Variants in MTOR observed in about 807,000 individuals in gnomAD.
MTOR encodes mechanistic target of rapamycin kinase, also known as serine/threonine-protein kinase mTOR.
In MTOR, 70 loss-of-function variants were observed where a neutral mutation model predicts 319.8. That is an observed-to-expected ratio of 0.22 (90% CI 0.18 to 0.27). The LOEUF is 0.27. Among genes scored for constraint, MTOR ranks in the 10% least tolerant of loss-of-function variants. The pLI is 1.00. For synonymous variants in MTOR, 1,183 were observed against 1,211.4 expected (o/e 0.98, Z 0.49); for missense variants, 1,890 against 3,274.4 (o/e 0.58, Z 10.32).
rs1265153789 is a variant in MTOR at position 11,133,799 on chromosome 1, C to T, written c.5246+552G>A. Among the ~76,000 whole-genome samples the T allele has an allele frequency of 6.6e-6, 1 of 152,178 alleles. No individual in the cohort carries two copies. Among genetic ancestry groups the T allele is most frequent in the Non-Finnish European group, 1.5e-5 (1 of 68,036 alleles). On this transcript the variant is annotated intron_variant, in intron 37 of 57. Coordinates refer to ENST00000361445, the MANE Select transcript of MTOR (RefSeq NM_004958.4). The surrounding 1 kb of genome is among the most constrained non-coding windows in gnomAD (Gnocchi z 4.0). ...GCACAGAGTGGCACAGTGGCCCACA[C>T]CTATAATCCCAGCATTTTGGAAGGC...
chr1:11,158,413 C>T (rs1644380140), intron 29 of MTOR, among the ~76,000 whole-genome samples: 1 of 152,120 alleles, frequency 6.6e-6, no homozygotes, highest in Non-Finnish European at 1.5e-5. Context: ...GTCATTTATG[C>T]TGGAGATTGT....
chr1:11,131,725 C>T (rs972267911), intron 38 of MTOR: 4 of 152,178 alleles, frequency 2.6e-5, no homozygotes, highest in African/African-American at 7.2e-5. Context: ...CTTGGTTTAG[C>T]GAGTGTGAGG....
At chr1:11,184,257 C>T (rs186453408) in intron 28 of MTOR, among the ~76,000 whole-genome samples, 19 of 152,320 alleles carry the variant, frequency 1.2e-4, no homozygotes, top group Admixed American at 8.5e-4. Context: ...CATGGCCACA[C>T]AGCAACCAAG....
rs1434991676 is a variant in MTOR, at chr1:11,129,867, C to T, written c.5614-29G>A. 3 of 1,591,928 alleles carry T rather than the reference C, an allele frequency of 1.9e-6. No individual in the cohort carries two copies. The highest frequency in any genetic ancestry group is 1.1e-5 in the South Asian group (1 of 90,316). ...TTGGAACACACACGTGTTAGCGACA[C>T]TCTTGCCTCTGCTTTCTCATCTGTA... On this transcript the variant is annotated intron_variant, in intron 39 of 57. Coordinates refer to ENST00000361445, the MANE Select transcript of MTOR (RefSeq NM_004958.4). The surrounding 1 kb of genome is among the most constrained non-coding windows in gnomAD (Gnocchi z 4.7).
chr1:11,254,055 G>A, intron 5 of MTOR, 82 bp from the exon 6 acceptor site: 1 of 1,550,698 alleles, frequency 6.4e-7, no homozygotes, highest in Admixed American at 1.7e-5. Flanking sequence ...CTACACTGGG[G>A]GTTCTGAGGT....
intron 28 of MTOR, among the ~76,000 whole-genome samples, chr1:11,185,122 A>T (rs1004455130): frequency 6.6e-6 from 1 of 152,136 alleles, no homozygotes. Flanking sequence ...CCATCCTAGC[A>T]TGTCACACTG....
chr1:11,215,975 G>A (rs1026200086), intron 20 of MTOR, among the ~76,000 whole-genome samples, 173 bp downstream of exon 20: 4 of 152,254 alleles, frequency 2.6e-5, no homozygotes, highest in Non-Finnish European at 4.4e-5. Flanking sequence ...TGGGAACCTG[G>A]AGCAACAGCC....
intron 49 of MTOR, among the ~76,000 whole-genome samples, chr1:11,118,618 CTTTTT>C (rs1359304379): frequency 3.1e-5 from 4 of 127,280 alleles, no homozygotes. Flanking sequence ...TTTTCTTCTT[CTTTTT>C]TTTTTTTTTT....
chr1:11,162,076 G>C (rs997989291), intron 29 of MTOR, among the ~76,000 whole-genome samples: 6 of 152,186 alleles, frequency 3.9e-5, no homozygotes, highest in African/African-American at 1.4e-4. Context: ...AACTGGTGTA[G>C]AGAAGACATT....
intron 28 of MTOR, among the ~76,000 whole-genome samples, chr1:11,175,286 G>A (rs879548793): frequency 6.6e-6 from 1 of 152,166 alleles, no homozygotes; most frequent in Non-Finnish European, 1.5e-5. Flanking sequence ...AGGAGAACAT[G>A]GTGAATCTGG....
intron 28 of MTOR, among the ~76,000 whole-genome samples, chr1:11,181,722 G>A (rs890096745): frequency 2.0e-5 from 3 of 152,148 alleles, no homozygotes; most frequent in Admixed American, 2.0e-4. Flanking sequence ...GAGAGAGACT[G>A]TAAGTCTCCA....
In MTOR at chr1:11,109,778, A is replaced by G. The variant is rs1435187235; in HGVS notation, c.7367-49T>C. The G allele has an allele frequency of 5.9e-6, 9 of 1,516,534 alleles. No individual in the cohort carries two copies. The highest frequency in any genetic ancestry group is 8.2e-6 in the Non-Finnish European group (9 of 1,091,464). The allele number at this position is 1,516,534 out of a possible 1,614,324, so 93.9% of individuals were successfully genotyped here. A position where few individuals can be genotyped will look rare whatever the true frequency, so the allele number is the denominator to read the frequency against. On this transcript the variant is annotated intron_variant, in intron 54 of 57. Coordinates refer to ENST00000361445, the MANE Select transcript of MTOR (RefSeq NM_004958.4). The surrounding 1 kb of genome is among the most constrained non-coding windows in gnomAD (Gnocchi z 4.0). ...CAGAAAATTCAAACACCAAAAAGCC[A>G]CTGTTGGTGTTAGCATCTAATTCTC... is the stretch of plus-strand genomic sequence containing the variant.
Position 11,187,279 on chromosome 1 carries a change from C to T in MTOR, c.4253+11979G>A, listed in dbSNP as rs966417170. Among the ~76,000 whole-genome samples the T allele has an allele frequency of 2.4e-4, 31 of 130,096 alleles. No homozygotes were observed. The Admixed American group carries it at 2.7e-3, about 11-fold the overall frequency. The allele number at this position is 130,096 out of a possible 152,430, so 85.3% of individuals were successfully genotyped here. ...TCAGTGGTCCCCAATCTTTTTGGCA[C>T]TAGGGACTGGTTTCGTGGAAGACAA... On this transcript the variant is annotated intron_variant, in intron 28 of 57. Coordinates refer to ENST00000361445, the MANE Select transcript of MTOR (RefSeq NM_004958.4).
chr1:11,209,544 G>A, intron 24 of MTOR, 86 bp from the exon 25 acceptor site: 2 of 1,496,334 alleles, frequency 1.3e-6, no homozygotes, highest in Non-Finnish European at 1.8e-6. Context: ...GGGAGGTGCA[G>A]ACCTGGTAGA....
intron 47 of MTOR, among the ~76,000 whole-genome samples, chr1:11,124,119 G>A (rs559188177): frequency 3.0e-4 from 46 of 152,078 alleles, no homozygotes; most frequent in African/African-American, 1.1e-3. Context: ...AAATAGTGAT[G>A]GGGTCTCTCT....
At chr1:11,110,551 C>T (rs909279667) in intron 54 of MTOR, among the ~76,000 whole-genome samples, 1 of 152,108 alleles carries the variant, frequency 6.6e-6, no homozygotes, top group African/African-American at 2.4e-5. Context: ...CATGCGCTAC[C>T]ATGCCTGGCT....
At chr1:11,218,158 G>A (rs1051810397) in intron 19 of MTOR, among the ~76,000 whole-genome samples, 42 of 152,068 alleles carry the variant, frequency 2.8e-4, no homozygotes, top group African/African-American at 7.7e-4. Flanking sequence ...CAGGCCGGGC[G>A]CGGTGGTTCA....
At chr1:11,225,440 G>A (rs1383494181) in intron 19 of MTOR, among the ~76,000 whole-genome samples, 1 of 100,058 alleles carries the variant, frequency 1.0e-5, no homozygotes, top group African/African-American at 4.5e-5. Context: ...TTTTTTTTTT[G>A]AGACAGAATC....
At chr1:11,227,686 GA>G (rs1264104104) in intron 19 of MTOR, among the ~76,000 whole-genome samples, 2 of 152,182 alleles carry the variant, frequency 1.3e-5, no homozygotes, top group Admixed American at 6.5e-5. Flanking sequence ...TGGGGGAGGG[GA>G]AAATTCCTCT....
Sources: allele counts gnomAD v4.1 joint callset (sites outside exome capture counted in the v4.1 genomes callset), GRCh38; gene constraint gnomAD v4.1.1; non-coding constraint Gnocchi (gnomAD v3.1); transcripts MANE v1.5; gene names NCBI Gene and HGNC (gene_info 2026-07-23, HGNC 2026-07-21).